PLEKHG1: variants seen among roughly 807,000 people sequenced by gnomAD.
PLEKHG1 encodes pleckstrin homology domain-containing family G member 1.
In PLEKHG1, 44 loss-of-function variants were observed where a neutral mutation model predicts 100.8. The observed-to-expected ratio is 0.44, with a 90% CI of 0.34 to 0.56. The LOEUF (loss-of-function observed/expected upper bound fraction) is 0.56. Among genes scored for constraint, PLEKHG1 ranks in the 20% least tolerant of loss-of-function variants. PLEKHG1 has a pLI of 0.01. For synonymous variants in PLEKHG1, 640 were observed against 662.5 expected (o/e 0.97, Z 0.52); for missense variants, 1,545 against 1,720.9 (o/e 0.90, Z 1.81).
chr6:150,818,325 C>G, intron 11 of PLEKHG1, 109 bp downstream of exon 12: 2 of 843,416 alleles, frequency 2.4e-6, no homozygotes, highest in Non-Finnish European at 3.9e-6. Context: ...AATAGTATCT[C>G]TCTATTCACT....
intron 3 of PLEKHG1, among the ~76,000 whole-genome samples, chr6:150,714,495 G>A (rs1396246332): frequency 6.6e-6 from 1 of 152,180 alleles, no homozygotes; most frequent in Non-Finnish European, 1.5e-5. Flanking sequence ...GGTATACGAT[G>A]GAGATGTCAA....
At chr6:150,809,081 G>T in intron 7 of PLEKHG1, 24 bp from the exon 9 acceptor site, 1 of 1,601,376 alleles carries the variant, frequency 6.2e-7, no homozygotes, top group Non-Finnish European at 8.5e-7. Flanking sequence ...TCCTGTAAAT[G>T]CCATGGCCCA....
intron 2 of PLEKHG1, among the ~76,000 whole-genome samples, chr6:150,639,848 A>T (rs1227856591): frequency 6.6e-6 from 1 of 152,230 alleles, no homozygotes; most frequent in African/African-American, 2.4e-5. Flanking sequence ...TTCCTGTTCA[A>T]TTCTGAACTT....
At chr6:150,800,676 T>C (rs1786639702) in intron 5 of PLEKHG1, 43 bp from the exon 7 acceptor site, 2 of 1,589,620 alleles carry the variant, frequency 1.3e-6, no homozygotes, top group Non-Finnish European at 8.6e-7. Context: ...AATACCCACA[T>C]AAAGCATTAC....
At chr6:150,615,971 A>G (rs543346266) in intron 1 of PLEKHG1, among the ~76,000 whole-genome samples, 9 of 152,332 alleles carry the variant, frequency 5.9e-5, no homozygotes, top group African/African-American at 2.2e-4. Flanking sequence ...CTTTGAATAT[A>G]TGCAGTTATT....
chr6:150,840,467 A>T (rs755231986), exon 16 of PLEKHG1: 2 of 1,614,224 alleles, frequency 1.2e-6, no homozygotes, highest in Non-Finnish European at 1.7e-6. Context: ...TCACACTCCA[A>T]GACTCACAGA....
intron 3 of PLEKHG1, among the ~76,000 whole-genome samples, chr6:150,774,319 CT>C (rs985644610): frequency 5.3e-5 from 8 of 152,058 alleles, no homozygotes; most frequent in African/African-American, 1.9e-4. Context: ...TAGACAAACA[CT>C]TTTTTCCTCT....
rs934639555 is a variant in PLEKHG1, at chr6:150,821,363, C to A, written c.1447+130C>A. On this transcript the variant is annotated intron_variant, in intron 13 of 15. Transcript: ENST00000358517. ...GATTTGATTACAAAAAGATTAACTT[C>A]TGTAAATAAAAGTGTCCCATTATAA... 26 of 701,068 alleles carry A rather than the reference C, an allele frequency of 3.7e-5. No individual in the cohort carries two copies. The South Asian group carries it at 4.6e-4, about 12-fold the overall frequency. The allele number at this position is 701,068 out of a possible 1,614,324, so 43.4% of individuals were successfully genotyped here.
At chr6:150,704,326 A>G (rs978964131) in intron 3 of PLEKHG1, among the ~76,000 whole-genome samples, 1 of 152,210 alleles carries the variant, frequency 6.6e-6, no homozygotes, top group African/African-American at 2.4e-5. Context: ...TCCCTTCTGA[A>G]CAAGCCCCCT....
At position 150,616,564 on chromosome 6, in the gene PLEKHG1, T is replaced by G. The variant is rs1777080616; in HGVS notation, c.-204+16547T>G. On this transcript the variant is annotated intron_variant, in intron 1 of 3. Coordinates refer to the PLEKHG1 transcript ENST00000367326. ...CATATTTAAAATGTTCAACTTTTGG[T>G]GGGATGCCCCACTTAAGTACAAATA... Among the ~76,000 whole-genome samples, 3 of 152,236 alleles carry G rather than the reference T, an allele frequency of 2.0e-5. No homozygotes were observed. The South Asian group carries it at 6.2e-4, about 32-fold the overall frequency.
intron 11 of PLEKHG1, among the ~76,000 whole-genome samples, 184 bp from the exon 13 acceptor site, chr6:150,819,495 G>A (rs1474641657): frequency 6.6e-6 from 1 of 151,988 alleles, no homozygotes; most frequent in South Asian, 2.1e-4. Context: ...AACTTGGGAG[G>A]TGGAGGTCAG....
intron 15 of PLEKHG1, among the ~76,000 whole-genome samples, chr6:150,835,862 C>A (rs1777196268): frequency 6.6e-6 from 1 of 152,202 alleles, no homozygotes; most frequent in Admixed American, 6.5e-5. Flanking sequence ...CAGTGACTCA[C>A]ACCTCTATTG....
Position 150,831,113 on chromosome 6 carries a change from G to A in PLEKHG1, c.2002G>A (p.Asp668Asn). 1.2e-6 allele frequency: 2 copies of A among 1,613,908 alleles called. No individual in the cohort carries two copies. Among genetic ancestry groups the A allele is most frequent in the Admixed American group, 3.3e-5 (2 of 60,008 alleles). ...TGTCTATGATAACATCAGTTATGAG[G>A]ACTTAAAACTAATGGTTGCTAAGCG... Residue 668 changes from aspartate (D) to asparagine (N), a missense_variant, in exon 15 of 16, where the codon GAC (aspartate) becomes AAC (asparagine). Physicochemically the swap from Asp to Asn is conservative, Grantham distance 23. Transcript: ENST00000358517. This position sits in a 1 kb window ranked among gnomAD's most constrained non-coding sequence, Gnocchi z 4.1.
chr6:150,693,820 C>T (rs1283632355), intron 3 of PLEKHG1, among the ~76,000 whole-genome samples: 2 of 152,212 alleles, frequency 1.3e-5, no homozygotes, highest in African/African-American at 2.4e-5. Flanking sequence ...GAGGAATGCA[C>T]AGTCATGAGT....
chr6:150,746,613 A>G (rs536867977), intron 2 of PLEKHG1, among the ~76,000 whole-genome samples: 13 of 152,258 alleles, frequency 8.5e-5, no homozygotes, highest in Non-Finnish European at 1.8e-4. Flanking sequence ...GAAAACTAGC[A>G]TGATTACTTG....
At chr6:150,736,833 A>G (rs1054004250) in intron 2 of PLEKHG1, among the ~76,000 whole-genome samples, 2 of 148,238 alleles carry the variant, frequency 1.3e-5, no homozygotes, top group Admixed American at 6.7e-5. Flanking sequence ...ATTTAATTAG[A>G]AAAAAAAAAC....
chr6:150,733,256 C>T (rs1041763526), intron 1 of PLEKHG1, among the ~76,000 whole-genome samples: 9 of 152,166 alleles, frequency 5.9e-5, no homozygotes, highest in African/African-American at 2.2e-4. Flanking sequence ...ATGAGTCATT[C>T]CAGGTGGTCA....
rs369896486 is a variant in PLEKHG1, at chr6:150,786,518, A to G, written c.582+59A>G. The G allele has an allele frequency of 5.4e-6, 6 of 1,105,062 alleles. No individual in the cohort carries two copies. In the African/African-American group the frequency reaches 9.5e-5, roughly 17 times the overall value. 68.5% of individuals were successfully genotyped at this position (1,105,062 alleles called of 1,614,324 possible). A position where few individuals can be genotyped will look rare whatever the true frequency, so the allele number is the denominator to read the frequency against. ...ACAGATACAGAGTACAGAATTTTTC[A>G]TTTTAAAGTTAAAATGACTGGTTTG... On this transcript the variant is annotated intron_variant, in intron 4 of 15. Transcript: ENST00000358517.
At chr6:150,816,083 T>A (rs1262868044) in intron 10 of PLEKHG1, among the ~76,000 whole-genome samples, 1 of 152,136 alleles carries the variant, frequency 6.6e-6, no homozygotes, top group Non-Finnish European at 1.5e-5. Flanking sequence ...CTGAGCTTGT[T>A]CTAGCCCTGA....
Sources: gnomAD v4.1 joint callset for allele counts (sites outside exome capture counted in the v4.1 genomes callset) on GRCh38, gnomAD v4.1.1 for gene constraint, Gnocchi (gnomAD v3.1) non-coding constraint, MANE v1.5 for transcripts, NCBI Gene and HGNC (gene_info 2026-07-23, HGNC 2026-07-21) for gene names.